PLEKHA7: variants seen among roughly 807,000 people sequenced by gnomAD.
PLEKHA7 encodes pleckstrin homology domain-containing family A member 7.
PLEKHA7 carries 104 observed loss-of-function variants against 170.0 expected under a neutral mutation model. The observed-to-expected ratio is 0.61, with a 90% CI of 0.52 to 0.72. The LOEUF (loss-of-function observed/expected upper bound fraction) is 0.72, where lower values mean the gene tolerates loss of function less well. PLEKHA7 is among the 30% of genes least tolerant of loss of function. The pLI, the probability that PLEKHA7 is intolerant of heterozygous loss-of-function variation, is 0.00. For missense variants in PLEKHA7, 1,615 were observed against 1,671.7 expected (o/e 0.97, Z 0.59); for synonymous variants, 648 against 660.8 (o/e 0.98, Z 0.30).
intron 3 of PLEKHA7, among the ~76,000 whole-genome samples, chr11:16,887,132 C>T (rs1422561222): frequency 1.3e-5 from 2 of 151,988 alleles, no homozygotes; most frequent in Middle Eastern, 3.2e-3. Flanking sequence ...TCAGACAGAA[C>T]TTCTGGAAAT....
At chr11:16,827,144 C>T (rs2134975898) in intron 9 of PLEKHA7, among the ~76,000 whole-genome samples, 1 of 152,228 alleles carries the variant, frequency 6.6e-6, no homozygotes, top group East Asian at 1.9e-4. Flanking sequence ...GCTCAGGATC[C>T]CTCCCACTGG....
At chr11:16,906,896 C>T (rs1857776620) in intron 3 of PLEKHA7, among the ~76,000 whole-genome samples, 1 of 143,484 alleles carries the variant, frequency 7.0e-6, no homozygotes, top group Non-Finnish European at 1.5e-5. Context: ...CTCTGCCACG[C>T]CGCCCATCGT....
chr11:16,875,418 G>C (rs950372528), intron 3 of PLEKHA7, among the ~76,000 whole-genome samples: 2 of 148,578 alleles, frequency 1.3e-5, no homozygotes, highest in Non-Finnish European at 3.0e-5. Context: ...AATGGCTTCT[G>C]AATACTGAAG....
Position 16,871,769 on chromosome 11 carries a change from G to A in PLEKHA7, c.222-587C>T, listed in dbSNP as rs764408501. Among the ~76,000 whole-genome samples the A allele has an allele frequency of 5.4e-4, 82 of 152,070 alleles. 1 individual carries two copies. The highest frequency in any genetic ancestry group is 4.4e-4 in the Non-Finnish European group (30 of 68,028). On this transcript the variant is annotated intron_variant, in intron 3 of 26. Transcript: ENST00000531066. ...CTATCACCCTTTTGAAGTTAGGAAG[G>A]ATCAGCTTCCACACCAAGCTGACAG...
intron 3 of PLEKHA7, among the ~76,000 whole-genome samples, chr11:16,917,242 G>C (rs888103753): frequency 2.0e-5 from 3 of 152,026 alleles, no homozygotes; most frequent in African/African-American, 7.2e-5. Flanking sequence ...ATAAAAAATT[G>C]GCCGTTGACT....
rs1847698609 is a variant in PLEKHA7, at chr11:16,789,706, T to C, written c.3156+69A>G. ...GGGCTGAAGGGATGGCCAGTTACTG[T>C]CCCCCTGGGAGACCCTCCCTCCCCA... On this transcript the variant is annotated intron_variant, in intron 22 of 26. Transcript: ENST00000531066. This position sits in a 1 kb window ranked among gnomAD's most constrained non-coding sequence, Gnocchi z 4.6. 1 of 1,396,890 alleles carries C rather than the reference T, an allele frequency of 7.2e-7. No individual in the cohort carries two copies. The highest frequency in any genetic ancestry group is 1.9e-5 in the Admixed American group (1 of 53,790). 86.5% of individuals were successfully genotyped at this position (1,396,890 alleles called of 1,614,324 possible). A position where few individuals can be genotyped will look rare whatever the true frequency, so the allele number is the denominator to read the frequency against.
intron 9 of PLEKHA7, among the ~76,000 whole-genome samples, chr11:16,839,750 C>G (rs1401927807): frequency 6.6e-6 from 1 of 152,124 alleles, no homozygotes. Flanking sequence ...TATGCAAATA[C>G]ACCATTTTAT....
rs762472975 is a variant in PLEKHA7 at position 16,794,881 on chromosome 11, C to G, written c.2518+29G>C. The G allele has an allele frequency of 6.1e-5, 96 of 1,561,338 alleles. 1 individual carries two copies. In the South Asian group the frequency reaches 9.9e-4, roughly 16 times the overall value. Reference sequence around the variant, plus strand: ...CCACCACCCTGCCCCCAATCAGATCCCCCACATCCAGGAAGATGAACATCT... The same window carrying G: ...CCACCACCCTGCCCCCAATCAGATCGCCCACATCCAGGAAGATGAACATCT... On this transcript the variant is annotated intron_variant, in intron 18 of 26. Coordinates refer to ENST00000531066, the MANE Select transcript of PLEKHA7 (RefSeq NM_001329630.2).
At chr11:16,896,386 T>C (rs1439593701) in intron 3 of PLEKHA7, among the ~76,000 whole-genome samples, 1 of 152,046 alleles carries the variant, frequency 6.6e-6, no homozygotes, top group African/African-American at 2.4e-5. Context: ...AACACCACCA[T>C]CCCGCACAAT....
At chr11:16,960,681 C>T (rs1178375713) in intron 3 of PLEKHA7, among the ~76,000 whole-genome samples, 5 of 152,148 alleles carry the variant, frequency 3.3e-5, no homozygotes, top group Non-Finnish European at 7.4e-5. Context: ...CAAGGTGATA[C>T]TCAACCCCTG....
chr11:16,836,754 C>T (rs1171616042), intron 9 of PLEKHA7, among the ~76,000 whole-genome samples: 3 of 151,482 alleles, frequency 2.0e-5, no homozygotes, highest in African/African-American at 7.2e-5. Flanking sequence ...GACTCAGAAG[C>T]TGGAAAAACT....
At chr11:16,891,813 G>A (rs1013602129) in intron 3 of PLEKHA7, among the ~76,000 whole-genome samples, 16 of 152,314 alleles carry the variant, frequency 1.1e-4, no homozygotes, top group Non-Finnish European at 1.2e-4. Flanking sequence ...GAAGGGCTAA[G>A]TGGGTTAACA....
intron 3 of PLEKHA7, among the ~76,000 whole-genome samples, chr11:17,012,788 G>A (rs1390305839): frequency 6.6e-6 from 1 of 152,194 alleles, no homozygotes; most frequent in Non-Finnish European, 1.5e-5. Flanking sequence ...GCAAGACTCT[G>A]ATGGCCCCAG....
chr11:16,801,420 C>G (rs1848588148), intron 16 of PLEKHA7, among the ~76,000 whole-genome samples: 1 of 152,252 alleles, frequency 6.6e-6, no homozygotes, highest in Non-Finnish European at 1.5e-5. Flanking sequence ...TCTGAAGAAT[C>G]TGGCCCACTG....
At chr11:16,829,537 G>A (rs920377349) in intron 9 of PLEKHA7, among the ~76,000 whole-genome samples, 5 of 152,158 alleles carry the variant, frequency 3.3e-5, no homozygotes, top group South Asian at 4.1e-4. Flanking sequence ...GTGCAGTGGC[G>A]TGCCAAGGGA....
chr11:16,816,071 A>C, intron 12 of PLEKHA7, 107 bp downstream of exon 12: 2 of 913,836 alleles, frequency 2.2e-6, no homozygotes, highest in Non-Finnish European at 1.7e-6. Flanking sequence ...CCTCATCTCT[A>C]ATATGGGGGT....
chr11:16,919,454 C>A (rs1240791385), intron 3 of PLEKHA7, among the ~76,000 whole-genome samples: 1 of 152,034 alleles, frequency 6.6e-6, no homozygotes, highest in Non-Finnish European at 1.5e-5. Context: ...GCAGGAGGAT[C>A]ACTTGAGGCC....
chr11:16,892,478 C>T (rs72864092), intron 3 of PLEKHA7, among the ~76,000 whole-genome samples: 24,870 of 127,832 alleles, frequency 0.19, 2,586 homozygotes, highest in Non-Finnish European at 0.28. Context: ...TAAAGTATCA[C>T]TCTGTCACCC....
chr11:16,909,454 G>T (rs990405771), intron 3 of PLEKHA7, among the ~76,000 whole-genome samples: 2 of 152,210 alleles, frequency 1.3e-5, no homozygotes, highest in Non-Finnish European at 2.9e-5. Context: ...CACAGGGCCT[G>T]CATGGCAACA....
Sources: allele counts gnomAD v4.1 joint callset (sites outside exome capture counted in the v4.1 genomes callset), GRCh38; gene constraint gnomAD v4.1.1; non-coding constraint Gnocchi (gnomAD v3.1); transcripts MANE v1.5; gene names NCBI Gene and HGNC (gene_info 2026-07-23, HGNC 2026-07-21).